Variants in GRIK2 observed in about 807,000 individuals in gnomAD.
GRIK2 encodes glutamate ionotropic receptor kainate type subunit 2.
Under a neutral mutation model 100.3 loss-of-function variants are expected in GRIK2, and 32 were observed. The observed-to-expected ratio is 0.32, with a 90% CI of 0.24 to 0.43. GRIK2 has a LOEUF of 0.43. Ranked by LOEUF, GRIK2 falls within the 20% of genes least tolerant of loss-of-function variation. The probability of loss-of-function intolerance (pLI) is 1.00; values close to 1 mark genes in which losing one functional copy is unlikely to be tolerated. For synonymous variants in GRIK2, 417 were observed against 389.4 expected, an observed-to-expected ratio of 1.07 and a Z score of -0.83; for missense variants, 843 against 1,114.9, an observed-to-expected ratio of 0.76 and a Z score of 3.47.
rs1421827910 is a variant in GRIK2 at position 102,069,902 on chromosome 6, T to C, written c.*1391T>C. Reference sequence around the variant, plus strand: ...GGTGCACTACCACCACTGCTTACCATGCCACACCCCTGGTTTCCACGAGGC... The same window carrying C: ...GGTGCACTACCACCACTGCTTACCACGCCACACCCCTGGTTTCCACGAGGC... On this transcript the variant is annotated 3_prime_UTR_variant, in exon 17 of 17. Transcript: ENST00000369134. 1.3e-5 allele frequency: 2 copies of C among 152,012 alleles called. No homozygotes were observed. Among genetic ancestry groups the C allele is most frequent in the South Asian group, 2.1e-4 (1 of 4,832 alleles). The allele number at this position is 152,012 out of a possible 1,614,324, so 9.4% of individuals were successfully genotyped here.
At chr6:101,591,828 A>G (rs1448066391) in intron 2 of GRIK2, among the ~76,000 whole-genome samples, 1 of 152,032 alleles carries the variant, frequency 6.6e-6, no homozygotes, top group Non-Finnish European at 1.5e-5. Flanking sequence ...TATTTATTTT[A>G]CATTTTTAGT....
At chr6:101,420,732 A>G (rs1395735125) in intron 2 of GRIK2, among the ~76,000 whole-genome samples, 1 of 152,150 alleles carries the variant, frequency 6.6e-6, no homozygotes, top group Non-Finnish European at 1.5e-5. Context: ...GAAGAGCAGA[A>G]ATGGACATGC....
chr6:101,426,684 G>C (rs566453807), intron 2 of GRIK2, among the ~76,000 whole-genome samples: 9 of 152,262 alleles, frequency 5.9e-5, no homozygotes, highest in Admixed American at 5.9e-4. Context: ...TGTCATATTT[G>C]TGCCTGCCTC....
chr6:101,626,743 G>A, intron 4 of GRIK2, 106 bp downstream of exon 4: 1 of 984,030 alleles, frequency 1.0e-6, no homozygotes, highest in South Asian at 1.7e-5. Flanking sequence ...TTTGAGTTTT[G>A]AAAATTCAGC....
intron 15 of GRIK2, among the ~76,000 whole-genome samples, chr6:102,046,367 C>T (rs1770886884): frequency 6.6e-6 from 1 of 151,784 alleles, no homozygotes; most frequent in Non-Finnish European, 1.5e-5. Context: ...AATTGTAATC[C>T]CCACATTTTA....
At chr6:101,810,720 G>A (rs1781272772) in intron 9 of GRIK2, among the ~76,000 whole-genome samples, 1 of 150,984 alleles carries the variant, frequency 6.6e-6, no homozygotes, top group Admixed American at 6.6e-5. Context: ...CGGTGTCAAG[G>A]GTTATTAGAC....
intron 14 of GRIK2, among the ~76,000 whole-genome samples, chr6:102,002,318 A>G (rs2114265527): frequency 6.8e-6 from 1 of 147,318 alleles, no homozygotes; most frequent in Admixed American, 6.9e-5. Context: ...ATATATACAT[A>G]CTATATATAT....
At chr6:101,903,460 C>T (rs1372919669) in intron 12 of GRIK2, among the ~76,000 whole-genome samples, 1 of 151,686 alleles carries the variant, frequency 6.6e-6, no homozygotes, top group Non-Finnish European at 1.5e-5. Context: ...TATAACTGCT[C>T]CCTTCTTGTT....
chr6:102,067,332 G>C (rs1046078788), intron 16 of GRIK2, among the ~76,000 whole-genome samples: 11 of 151,770 alleles, frequency 7.2e-5, no homozygotes, highest in African/African-American at 2.4e-4. Flanking sequence ...CTGTGGAACA[G>C]AGCTCTTGAA....
At chr6:101,481,943 A>C (rs1383478499) in intron 2 of GRIK2, among the ~76,000 whole-genome samples, 4 of 152,068 alleles carry the variant, frequency 2.6e-5, no homozygotes, top group Admixed American at 2.6e-4. Flanking sequence ...TTCTGCGTTC[A>C]TTCTCCTTCC....
intron 2 of GRIK2, among the ~76,000 whole-genome samples, chr6:101,457,332 G>A (rs1018194526): frequency 1.3e-5 from 2 of 152,064 alleles, no homozygotes; most frequent in Admixed American, 6.6e-5. Flanking sequence ...GTCACTTATT[G>A]ATTACAAAGC....
intron 2 of GRIK2, among the ~76,000 whole-genome samples, chr6:101,513,220 A>G (rs1442298256): frequency 6.6e-6 from 1 of 152,090 alleles, no homozygotes. Context: ...AACAACTCAA[A>G]GGGGTGTGAG....
At chr6:101,418,558 T>C (rs1332063036) in intron 2 of GRIK2, among the ~76,000 whole-genome samples, 2 of 152,200 alleles carry the variant, frequency 1.3e-5, no homozygotes, top group African/African-American at 4.8e-5. Context: ...CCAGGTTGCT[T>C]GGTCACAAAA....
chr6:102,038,145 G>A (rs1170253866), intron 15 of GRIK2, among the ~76,000 whole-genome samples: 1 of 151,410 alleles, frequency 6.6e-6, no homozygotes, highest in African/African-American at 2.4e-5. Flanking sequence ...GGCAAATAAT[G>A]TGCTTGATAG....
chr6:101,723,296 A>G (rs1341091094), intron 7 of GRIK2, among the ~76,000 whole-genome samples: 2 of 152,086 alleles, frequency 1.3e-5, no homozygotes, highest in African/African-American at 2.4e-5. Context: ...ATGTTCATAT[A>G]TGGACAACTA....
At chr6:101,940,363 T>C (rs1582579509) in intron 14 of GRIK2, among the ~76,000 whole-genome samples, 1 of 152,306 alleles carries the variant, frequency 6.6e-6, no homozygotes, top group South Asian at 2.1e-4. Context: ...TTATTACCAA[T>C]GCCAGAGTGT....
At chr6:101,895,347 C>T (rs1289842572) in intron 12 of GRIK2, among the ~76,000 whole-genome samples, 1 of 151,410 alleles carries the variant, frequency 6.6e-6, no homozygotes, top group Non-Finnish European at 1.5e-5. Flanking sequence ...GCATGGACTC[C>T]CCAGAATCTA....
At chr6:101,898,994 T>C (rs1159934206) in intron 12 of GRIK2, among the ~76,000 whole-genome samples, 1 of 151,846 alleles carries the variant, frequency 6.6e-6, no homozygotes, top group Non-Finnish European at 1.5e-5. Context: ...ATTGCTATAA[T>C]TTTTTACATT....
chr6:101,754,186 T>G (rs958566340), intron 7 of GRIK2, among the ~76,000 whole-genome samples: 1 of 152,156 alleles, frequency 6.6e-6, no homozygotes, highest in African/African-American at 2.4e-5. Flanking sequence ...ATTATGTATT[T>G]TCAGAATTCA....
Sources: allele counts gnomAD v4.1 joint callset (sites outside exome capture counted in the v4.1 genomes callset), GRCh38; gene constraint gnomAD v4.1.1; transcripts MANE v1.5; gene names NCBI Gene and HGNC (gene_info 2026-07-23, HGNC 2026-07-21).